The following CADM2 variants were observed in gnomAD, a reference collection of about 807,000 sequenced individuals.
The protein encoded by CADM2 is immunoglobulin superfamily member 4D.
Under a neutral mutation model 49.8 loss-of-function variants are expected in CADM2, and 12 were observed. That is an observed-to-expected ratio of 0.24 (90% CI 0.15 to 0.39). The LOEUF is 0.39. CADM2 is among the 10% of genes least tolerant of loss of function. CADM2 has a pLI of 1.00. For missense variants in CADM2, 378 were observed against 492.3 expected (o/e 0.77, Z 2.20); for synonymous variants, 214 against 175.4 (o/e 1.22, Z -1.74).
intron 1 of CADM2, among the ~76,000 whole-genome samples, chr3:84,996,417 A>T (rs1050501680): frequency 6.6e-6 from 1 of 152,104 alleles, no homozygotes; most frequent in African/African-American, 2.4e-5. Flanking sequence ...GAATTTTATT[A>T]TGGTGTATAC....
chr3:85,365,129 A>G (rs1318112300), intron 1 of CADM2, among the ~76,000 whole-genome samples: 1 of 146,452 alleles, frequency 6.8e-6, no homozygotes, highest in Non-Finnish European at 1.5e-5. Flanking sequence ...AGGTTTTTCT[A>G]TTTAAAAAAA....
chr3:85,114,423 AC>A (rs1389321598), intron 1 of CADM2, among the ~76,000 whole-genome samples: 1 of 152,176 alleles, frequency 6.6e-6, no homozygotes, highest in Non-Finnish European at 1.5e-5. Flanking sequence ...GACCTGGCCT[AC>A]CCAGGTCATT....
rs1455323870 is a variant in CADM2 at position 85,953,175 on chromosome 3, C to A, written c.792-8294C>A. ...GTGTTAAACTAAAATAATACTTTTTCATGTTCTGCTTTTCGTCCTATAGAC... is the reference window on the plus strand; with the variant it reads ...GTGTTAAACTAAAATAATACTTTTTAATGTTCTGCTTTTCGTCCTATAGAC... On this transcript the variant is annotated intron_variant, in intron 7 of 9. Transcript: ENST00000383699. 2.7e-5 allele frequency among the ~76,000 whole-genome samples: 4 copies of A among 150,912 alleles called. No individual in the cohort carries two copies. The Admixed American group carries it at 2.7e-4, about 10-fold the overall frequency.
intron 3 of CADM2, among the ~76,000 whole-genome samples, chr3:85,858,658 C>T (rs887083044): frequency 5.9e-5 from 9 of 152,180 alleles, no homozygotes; most frequent in Admixed American, 1.3e-4. Context: ...ACCTGAAGTA[C>T]GTGAGTTGAA....
chr3:85,311,379 A>C (rs1201530638), intron 1 of CADM2, among the ~76,000 whole-genome samples: 1 of 148,836 alleles, frequency 6.7e-6, no homozygotes, highest in Non-Finnish European at 1.5e-5. Context: ...TATTATTATT[A>C]TTATTATTTT....
At chr3:86,052,017 G>A (rs952311937) in intron 8 of CADM2, among the ~76,000 whole-genome samples, 1 of 152,102 alleles carries the variant, frequency 6.6e-6, no homozygotes, top group Non-Finnish European at 1.5e-5. Flanking sequence ...TTGTAAGACA[G>A]TTCGAACCCT....
intron 1 of CADM2, among the ~76,000 whole-genome samples, chr3:85,685,153 C>T (rs2066164187): frequency 1.3e-5 from 2 of 152,032 alleles, no homozygotes; most frequent in Admixed American, 1.3e-4. Context: ...CCACCTGGGA[C>T]CAGCCACACC....
chr3:85,812,303 A>G (rs911763192), intron 3 of CADM2, among the ~76,000 whole-genome samples: 1 of 152,136 alleles, frequency 6.6e-6, no homozygotes, highest in Non-Finnish European at 1.5e-5. Context: ...ATTCGACTTG[A>G]AAATATTCAT....
chr3:85,404,907 G>A (rs562746086), intron 1 of CADM2, among the ~76,000 whole-genome samples: 1 of 152,210 alleles, frequency 6.6e-6, no homozygotes, highest in East Asian at 1.9e-4. Flanking sequence ...AAATAATAAA[G>A]TGATGAAAAG....
chr3:85,594,463 ATTGTT>A (rs893453574), intron 1 of CADM2, among the ~76,000 whole-genome samples: 2 of 151,928 alleles, frequency 1.3e-5, no homozygotes, highest in African/African-American at 4.8e-5. Flanking sequence ...GCAGGCAATA[ATTGTT>A]TTGTTGTCCC....
chr3:85,376,210 A>C (rs1181139465), intron 1 of CADM2, among the ~76,000 whole-genome samples: 3 of 152,130 alleles, frequency 2.0e-5, no homozygotes, highest in Non-Finnish European at 4.4e-5. Context: ...TCTAAATTAC[A>C]TGCATGTTAC....
At chr3:85,807,889 G>A (rs1281122005) in intron 3 of CADM2, among the ~76,000 whole-genome samples, 1 of 151,870 alleles carries the variant, frequency 6.6e-6, no homozygotes, top group Non-Finnish European at 1.5e-5. Flanking sequence ...TTCAATAAAT[G>A]ATTTTTTTTT....
At chr3:86,038,085 T>G (rs1735396162) in intron 8 of CADM2, among the ~76,000 whole-genome samples, 1 of 152,182 alleles carries the variant, frequency 6.6e-6, no homozygotes, top group Non-Finnish European at 1.5e-5. Flanking sequence ...GAACATACAG[T>G]GTTTGACTTT....
intron 8 of CADM2, among the ~76,000 whole-genome samples, chr3:85,995,982 C>T (rs898907126): frequency 4.0e-5 from 6 of 151,014 alleles, no homozygotes; most frequent in South Asian, 2.1e-4. Flanking sequence ...CCCAGCTACT[C>T]GGGAGGCTGA....
chr3:85,274,545 G>A (rs972918227), intron 1 of CADM2, among the ~76,000 whole-genome samples: 2 of 151,412 alleles, frequency 1.3e-5, no homozygotes, highest in Non-Finnish European at 3.0e-5. Flanking sequence ...GTGGTTGCTT[G>A]TGCTAGTTGC....
chr3:85,536,634 C>T (rs1269560341), intron 1 of CADM2, among the ~76,000 whole-genome samples: 1 of 152,012 alleles, frequency 6.6e-6, no homozygotes, highest in Non-Finnish European at 1.5e-5. Context: ...GGAGGCTTTG[C>T]AGCCTTTTCA....
At chr3:85,784,275 C>A (rs940307178) in intron 2 of CADM2, among the ~76,000 whole-genome samples, 5 of 152,140 alleles carry the variant, frequency 3.3e-5, no homozygotes, top group African/African-American at 9.7e-5. Flanking sequence ...TTTTTAGTAA[C>A]AACTAAGTCA....
At chr3:85,328,192 A>G (rs2107137617) in intron 1 of CADM2, among the ~76,000 whole-genome samples, 1 of 152,310 alleles carries the variant, frequency 6.6e-6, no homozygotes, top group Non-Finnish European at 1.5e-5. Flanking sequence ...TTTAATATGA[A>G]TTCCTGTCTA....
intron 8 of CADM2, among the ~76,000 whole-genome samples, chr3:85,998,830 G>C (rs1410425496): frequency 6.6e-6 from 1 of 152,006 alleles, no homozygotes; most frequent in Non-Finnish European, 1.5e-5. Flanking sequence ...AGTGGCCAAA[G>C]GCATGGTAAA....
Sources: gnomAD v4.1 joint callset for allele counts (sites outside exome capture counted in the v4.1 genomes callset) on GRCh38, gnomAD v4.1.1 for gene constraint, MANE v1.5 for transcripts, NCBI Gene and HGNC (gene_info 2026-07-23, HGNC 2026-07-21) for gene names.